ST6GALNAC3: variants seen among roughly 807,000 people sequenced by gnomAD.
ST6GALNAC3 encodes ST6 N-acetylgalactosaminide alpha-2,6-sialyltransferase 3.
In ST6GALNAC3, 25 loss-of-function variants were observed where a neutral mutation model predicts 32.7. The observed-to-expected ratio is 0.76, with a 90% CI of 0.56 to 1.07. The LOEUF (loss-of-function observed/expected upper bound fraction) is 1.07, where lower values mean the gene tolerates loss of function less well. ST6GALNAC3 is among the 50% of genes least tolerant of loss of function. ST6GALNAC3 has a pLI of 0.00. For missense variants in ST6GALNAC3, 355 were observed against 382.4 expected, an observed-to-expected ratio of 0.93 and a Z score of 0.60; for synonymous variants, 129 against 133.1, an observed-to-expected ratio of 0.97 and a Z score of 0.21.
At chr1:76,186,022 G>A (rs1050909349) in intron 1 of ST6GALNAC3, among the ~76,000 whole-genome samples, 4 of 152,184 alleles carry the variant, frequency 2.6e-5, no homozygotes, top group African/African-American at 9.7e-5. Context: ...TTGAGCATCT[G>A]CAGATTTTTG....
chr1:76,115,639 C>G (rs761491010), intron 1 of ST6GALNAC3, among the ~76,000 whole-genome samples: 1 of 152,084 alleles, frequency 6.6e-6, no homozygotes, highest in Non-Finnish European at 1.5e-5. Flanking sequence ...TCTTTGAGTA[C>G]AGAAATTCTG....
At chr1:76,156,987 T>C (rs1248418184) in intron 1 of ST6GALNAC3, among the ~76,000 whole-genome samples, 1 of 152,204 alleles carries the variant, frequency 6.6e-6, no homozygotes, top group Non-Finnish European at 1.5e-5. Flanking sequence ...CGCCTTGGCC[T>C]CCCAAAGTGC....
chr1:76,350,664 G>A (rs1004874639), intron 2 of ST6GALNAC3, among the ~76,000 whole-genome samples: 1 of 152,112 alleles, frequency 6.6e-6, no homozygotes, highest in Non-Finnish European at 1.5e-5. Flanking sequence ...TGGCTTCATA[G>A]ATAAGCCTTG....
At chr1:76,474,704 T>A (rs1659240150) in intron 3 of ST6GALNAC3, among the ~76,000 whole-genome samples, 1 of 152,030 alleles carries the variant, frequency 6.6e-6, no homozygotes, top group Non-Finnish European at 1.5e-5. Flanking sequence ...CTAAAGGGTG[T>A]TTTCTAATTT....
intron 1 of ST6GALNAC3, among the ~76,000 whole-genome samples, chr1:76,126,558 A>G (rs1649265680): frequency 6.6e-6 from 1 of 152,054 alleles, no homozygotes; most frequent in South Asian, 2.1e-4. Context: ...TCAAGTGAAC[A>G]TCTTCCTTAG....
chr1:76,157,440 T>C (rs1651526808), intron 1 of ST6GALNAC3, among the ~76,000 whole-genome samples: 1 of 152,254 alleles, frequency 6.6e-6, no homozygotes, highest in South Asian at 2.1e-4. Context: ...TGTTAACTTA[T>C]ACCCCCATGG....
intron 1 of ST6GALNAC3, among the ~76,000 whole-genome samples, chr1:76,075,413 T>C (rs1646801554): frequency 6.6e-6 from 1 of 152,204 alleles, no homozygotes; most frequent in East Asian, 1.9e-4. Flanking sequence ...ATCTGCTAGC[T>C]CTGTTTGCCC....
intron 1 of ST6GALNAC3, among the ~76,000 whole-genome samples, chr1:76,197,718 T>C (rs1654284754): frequency 6.6e-6 from 1 of 152,118 alleles, no homozygotes; most frequent in African/African-American, 2.4e-5. Flanking sequence ...AGGTAGGAAA[T>C]GACAAGAGGG....
intron 3 of ST6GALNAC3, among the ~76,000 whole-genome samples, chr1:76,499,082 A>G (rs1199946645): frequency 2.6e-5 from 4 of 152,212 alleles, no homozygotes; most frequent in African/African-American, 9.6e-5. Context: ...CAAATACAAA[A>G]TAGGCAAAGA....
intron 2 of ST6GALNAC3, among the ~76,000 whole-genome samples, chr1:76,320,817 G>T (rs949104032): frequency 6.6e-6 from 1 of 152,132 alleles, no homozygotes; most frequent in East Asian, 1.9e-4. Context: ...ATGTATGCAT[G>T]CATGCAGCAT....
chr1:76,265,909 T>C (rs1393334707), intron 1 of ST6GALNAC3, among the ~76,000 whole-genome samples: 1 of 152,166 alleles, frequency 6.6e-6, no homozygotes, highest in Non-Finnish European at 1.5e-5. Context: ...TTTTGGTGCA[T>C]AGGACTGGTT....
chr1:76,284,815 AC>A (rs778926416), intron 1 of ST6GALNAC3, among the ~76,000 whole-genome samples: 8 of 152,106 alleles, frequency 5.3e-5, no homozygotes, highest in Admixed American at 1.3e-4. Context: ...ATCCAGTTGA[AC>A]TTGCTTCACA....
At chr1:76,314,492 G>A (rs1646828341) in intron 2 of ST6GALNAC3, among the ~76,000 whole-genome samples, 1 of 152,100 alleles carries the variant, frequency 6.6e-6, no homozygotes, top group South Asian at 2.1e-4. Context: ...GATTTAAAGA[G>A]TTTTCAAATT....
intron 1 of ST6GALNAC3, among the ~76,000 whole-genome samples, chr1:76,109,546 G>A (rs973277308): frequency 6.6e-6 from 1 of 152,216 alleles, no homozygotes; most frequent in Non-Finnish European, 1.5e-5. Flanking sequence ...GGTGGTTCCT[G>A]TCCATTGGGT....
intron 1 of ST6GALNAC3, among the ~76,000 whole-genome samples, chr1:76,218,607 A>C (rs1178222918): frequency 6.6e-6 from 1 of 152,208 alleles, no homozygotes; most frequent in East Asian, 1.9e-4. Context: ...ATGTATTCAC[A>C]TGTTTATTTT....
intron 3 of ST6GALNAC3, among the ~76,000 whole-genome samples, chr1:76,417,890 GC>G (rs1346252794): frequency 2.2e-4 from 33 of 152,212 alleles, no homozygotes; most frequent in African/African-American, 7.7e-4. Context: ...AGATGTTCCT[GC>G]CTCAGGTGAA....
At chr1:76,626,863 C>A (rs1450245908) in intron 3 of ST6GALNAC3, among the ~76,000 whole-genome samples, 1 of 151,882 alleles carries the variant, frequency 6.6e-6, no homozygotes, top group Non-Finnish European at 1.5e-5. Context: ...AATGGAAATA[C>A]AATGAAGAAG....
chr1:76,286,912 C>T (rs1031439060), intron 1 of ST6GALNAC3, among the ~76,000 whole-genome samples: 1 of 152,130 alleles, frequency 6.6e-6, no homozygotes, highest in African/African-American at 2.4e-5. Flanking sequence ...CTATACAAGA[C>T]CCAGTAAGAT....
intron 3 of ST6GALNAC3, among the ~76,000 whole-genome samples, chr1:76,617,323 C>A (rs931741655): frequency 5.9e-5 from 9 of 151,688 alleles, no homozygotes; most frequent in African/African-American, 1.5e-4. Context: ...AGGAAAAGTT[C>A]TTTTATCTGT....
Sources: allele counts gnomAD v4.1 joint callset (sites outside exome capture counted in the v4.1 genomes callset), GRCh38; gene constraint gnomAD v4.1.1; transcripts MANE v1.5; gene names NCBI Gene and HGNC (gene_info 2026-07-23, HGNC 2026-07-21).